DNAAF6: variants seen among roughly 807,000 people sequenced by gnomAD.
DNAAF6 encodes the protein PIH1 domain containing 3.
Under a neutral mutation model 13.7 loss-of-function variants are expected in DNAAF6, and 3 were observed. That is an observed-to-expected ratio of 0.22 (90% confidence interval 0.10 to 0.56). The LOEUF (loss-of-function observed/expected upper bound fraction) is 0.56. Ranked by LOEUF, DNAAF6 falls within the 20% of genes least tolerant of loss-of-function variation. DNAAF6 has a pLI of 0.92. For synonymous variants in DNAAF6, 54 were observed against 49.2 expected (o/e 1.10, Z -0.41); for missense variants, 130 against 151.0 (o/e 0.86, Z 0.73).
intron 4 of DNAAF6, among the ~76,000 whole-genome samples, chrX:107,222,294 A>T (rs1344333724): frequency 8.9e-6 from 1 of 111,854 alleles, no homozygotes; most frequent in Non-Finnish European, 1.9e-5. Flanking sequence ...ACAGTTAATG[A>T]CAGAAACAGT....
In DNAAF6 at chrX:107,240,482, C is replaced by A. The variant is rs192281109; in HGVS notation, c.515+1475C>A. Among the ~76,000 whole-genome samples, 112 of 111,755 alleles carry A rather than the reference C, an allele frequency of 1.0e-3. 1 individual carries two copies. The highest frequency in any genetic ancestry group is 1.5e-3 in the Non-Finnish European group (82 of 52,990). The stretch of plus-strand genomic sequence containing the variant: ...TACTTTCTTTAGTTTCTAACTTTGA[C>A]ATCATATAACGCTATGTTTATCCAA... On this transcript the variant is annotated intron_variant, in intron 6 of 6. Coordinates refer to ENST00000372453, the MANE Select transcript of DNAAF6 (RefSeq NM_173494.2).
chrX:107,218,769 T>C (rs1002096477), intron 3 of DNAAF6, 95 bp from the exon 4 acceptor site: 1 of 874,785 alleles, frequency 1.1e-6, no homozygotes, highest in African/African-American at 2.1e-5. Flanking sequence ...TAATGTTTTA[T>C]TTCAATGAAC....
rs1491052004 is a variant in DNAAF6, at chrX:107,220,945, TTC to T, written c.333-1798_333-1797del. Among the ~76,000 whole-genome samples, 269 of 54,318 alleles carry T rather than the reference TTC, an allele frequency of 5.0e-3. 1 individual carries two copies. Among genetic ancestry groups the T allele is most frequent in the African/African-American group, 0.013 (247 of 18,389 alleles). The allele number at this position is 54,318 out of a possible 115,157, so 47.2% of individuals were successfully genotyped here. On this transcript the variant is annotated intron_variant, in intron 4 of 6. Transcript: ENST00000372453. ...TTTCTTTCTTTCTTTCTTTCTTTCTTTCTTTCTTTCTTTTTCTTTCTTTCTTT... is the reference window on the plus strand; with the variant it reads ...TTTCTTTCTTTCTTTCTTTCTTTCTTTTTCTTTCTTTTTCTTTCTTTCTTT...
At chrX:107,229,292 T>A (rs1928331293) in intron 5 of DNAAF6, among the ~76,000 whole-genome samples, 1 of 106,945 alleles carries the variant, frequency 9.4e-6, no homozygotes, top group Non-Finnish European at 1.9e-5. Flanking sequence ...CACGCGCCAC[T>A]ACGCCTGGCT....
At chrX:107,223,088 A>G (rs1928183268) in intron 5 of DNAAF6, among the ~76,000 whole-genome samples, 1 of 111,572 alleles carries the variant, frequency 9.0e-6, no homozygotes, top group South Asian at 3.8e-4. Flanking sequence ...ACAATACACA[A>G]TTTCTATTTT....
chrX:107,206,878 A>C (rs1193265870), intron 1 of DNAAF6, among the ~76,000 whole-genome samples, 188 bp downstream of exon 1: 2 of 111,748 alleles, frequency 1.8e-5, no homozygotes, highest in African/African-American at 6.5e-5. Context: ...AAATCCCGCT[A>C]TCCTAGACTC....
At chrX:107,230,578 G>T (rs765889619) in intron 5 of DNAAF6, among the ~76,000 whole-genome samples, 7 of 112,057 alleles carry the variant, frequency 6.2e-5, no homozygotes, top group Non-Finnish European at 1.1e-4. Flanking sequence ...AGCTACTTGG[G>T]AGGCTGAGGC....
intron 5 of DNAAF6, among the ~76,000 whole-genome samples, chrX:107,226,575 G>A (rs766866017): frequency 4.5e-5 from 5 of 111,453 alleles, no homozygotes; most frequent in Non-Finnish European, 7.5e-5. Context: ...GGGTGTATTG[G>A]AAAAATAGGT....
At chrX:107,235,654 G>A (rs1311574220) in intron 5 of DNAAF6, among the ~76,000 whole-genome samples, 3 of 111,340 alleles carry the variant, frequency 2.7e-5, no homozygotes, top group Non-Finnish European at 3.8e-5. Context: ...TACAACCACA[G>A]CCAACATCTT....
At chrX:107,213,128 G>A in intron 2 of DNAAF6, 100 bp downstream of exon 2, 1 of 834,430 alleles carries the variant, frequency 1.2e-6, no homozygotes, top group Non-Finnish European at 1.6e-6. Flanking sequence ...ACAGAGCTGT[G>A]TCATTTGATA....
chrX:107,236,499 T>G (rs944867515), intron 5 of DNAAF6, among the ~76,000 whole-genome samples: 2 of 111,975 alleles, frequency 1.8e-5, no homozygotes, highest in Non-Finnish European at 3.8e-5. Context: ...GTTTTTCTAT[T>G]AAGATTCCTC....
At chrX:107,213,116 G>C (rs1230342771) in intron 2 of DNAAF6, 88 bp downstream of exon 2, 49 of 930,904 alleles carry the variant, frequency 5.3e-5, no homozygotes, top group Non-Finnish European at 6.9e-5. Flanking sequence ...CTAGCTGTGG[G>C]AACAGAGCTG....
intron 1 of DNAAF6, among the ~76,000 whole-genome samples, chrX:107,207,761 G>C (rs1382584245): frequency 9.0e-6 from 1 of 111,077 alleles, no homozygotes; most frequent in Non-Finnish European, 1.9e-5. Flanking sequence ...GCGAAACCTG[G>C]TCTCCACTAA....
Position 107,213,020 on chromosome X carries a change from T to C in DNAAF6, c.145T>C (p.Tyr49His). ...TCCTGAAGAAGAGGATGATTCTGAC[T>C]ATGGACAGGTGGTCATATACTTAAC... ...LNPEEEDDSD[Y>H]GQTNGLSTIG... Residue 49 changes from tyrosine (Y) to histidine (H), a missense_variant, in exon 2 of 7, where the codon TAT (tyrosine) becomes CAT (histidine). By Grantham distance (83) the Tyr-to-His change is moderately conservative. Coordinates refer to ENST00000372453, the MANE Select transcript of DNAAF6 (RefSeq NM_173494.2). The C allele has an allele frequency of 8.4e-7, 1 of 1,191,883 alleles. No individual in the cohort carries two copies. The highest frequency in any genetic ancestry group is 1.1e-6 in the Non-Finnish European group (1 of 888,032).
At chrX:107,210,607 C>T (rs1352567585) in intron 1 of DNAAF6, among the ~76,000 whole-genome samples, 4 of 109,399 alleles carry the variant, frequency 3.7e-5, no homozygotes, top group African/African-American at 6.7e-5. Flanking sequence ...TTTGTAGAGT[C>T]GGGGTTTCGC....
intron 5 of DNAAF6, among the ~76,000 whole-genome samples, chrX:107,223,076 A>G (rs1928182987): frequency 8.9e-6 from 1 of 111,902 alleles, no homozygotes. Flanking sequence ...GAATCATATG[A>G]CACAATACAC....
At chrX:107,224,075 T>C (rs943693958) in intron 5 of DNAAF6, among the ~76,000 whole-genome samples, 3 of 111,425 alleles carry the variant, frequency 2.7e-5, no homozygotes, top group Non-Finnish European at 5.7e-5. Context: ...GAATGAAGAA[T>C]CTTGGAAACT....
At chrX:107,233,706 G>A (rs1485138602) in intron 5 of DNAAF6, among the ~76,000 whole-genome samples, 3 of 110,240 alleles carry the variant, frequency 2.7e-5, no homozygotes, top group African/African-American at 6.6e-5. Flanking sequence ...AAAAACTGGC[G>A]CCAACTGAGA....
At chrX:107,217,549 T>C (rs1003062041) in intron 3 of DNAAF6, among the ~76,000 whole-genome samples, 2 of 112,059 alleles carry the variant, frequency 1.8e-5, no homozygotes, top group African/African-American at 6.5e-5. Context: ...TTGAGTTTAC[T>C]TATAAAAAAA....
Sources: allele counts gnomAD v4.1 joint callset (sites outside exome capture counted in the v4.1 genomes callset), GRCh38; gene constraint gnomAD v4.1.1; transcripts MANE v1.5; gene names NCBI Gene and HGNC (gene_info 2026-07-23, HGNC 2026-07-21).